PDGFC: variants seen among roughly 807,000 people sequenced by gnomAD.
PDGFC encodes the protein platelet derived growth factor C, also known as platelet-derived growth factor C.
Under a neutral mutation model 35.5 loss-of-function variants are expected in PDGFC, and 12 were observed. The ratio of observed to expected loss-of-function variants is 0.34; its 90% CI spans 0.22 to 0.55. The LOEUF (loss-of-function observed/expected upper bound fraction) is 0.55, where lower values mean the gene tolerates loss of function less well. Ranked by LOEUF, PDGFC falls within the 20% of genes least tolerant of loss-of-function variation. The pLI is 0.91. For missense variants in PDGFC, 322 were observed against 412.4 expected, an observed-to-expected ratio of 0.78 and a Z score of 1.90; for synonymous variants, 159 against 148.8, an observed-to-expected ratio of 1.07 and a Z score of -0.50.
intron 1 of PDGFC, among the ~76,000 whole-genome samples, chr4:156,967,136 T>A (rs1198260573): frequency 6.6e-6 from 1 of 152,104 alleles, no homozygotes; most frequent in Non-Finnish European, 1.5e-5. Flanking sequence ...TAGTCTGCAG[T>A]TAGAGCCTAT....
At chr4:156,850,712 G>T (rs1271232782) in intron 1 of PDGFC, among the ~76,000 whole-genome samples, 1 of 151,996 alleles carries the variant, frequency 6.6e-6, no homozygotes, top group South Asian at 2.1e-4. Flanking sequence ...TCACAATAAA[G>T]CTGAGTTAAC....
chr4:156,897,630 C>A (rs926113025), intron 1 of PDGFC, among the ~76,000 whole-genome samples: 5 of 152,078 alleles, frequency 3.3e-5, no homozygotes, highest in African/African-American at 1.2e-4. Flanking sequence ...GTTAAACCTA[C>A]ATAGACTTTG....
intron 1 of PDGFC, among the ~76,000 whole-genome samples, chr4:156,885,678 G>T (rs539091044): frequency 1.3e-5 from 2 of 152,140 alleles, no homozygotes; most frequent in Admixed American, 6.5e-5. Flanking sequence ...TACTGCTTGG[G>T]CCAGGAGCTC....
chr4:156,812,423 T>C (rs1025579357), intron 2 of PDGFC, among the ~76,000 whole-genome samples: 1 of 152,118 alleles, frequency 6.6e-6, no homozygotes, highest in Non-Finnish European at 1.5e-5. Flanking sequence ...CAATTTCACA[T>C]GTAAACAGAT....
intron 1 of PDGFC, among the ~76,000 whole-genome samples, chr4:156,910,268 C>A (rs1731008498): frequency 6.6e-6 from 1 of 152,100 alleles, no homozygotes; most frequent in South Asian, 2.1e-4. Context: ...TGCACAATGT[C>A]CCTTAAACCC....
rs1460777679 is a variant in PDGFC at position 156,922,182 on chromosome 4, G to GTA, written c.118+48603_118+48604insTA. Reference sequence around the variant, plus strand: ...TGTGTGTGTGTGTGTGTGTGTGTGTGTGTGTGTGTGCATCTGTGTGTGTGT... The same window carrying GTA: ...TGTGTGTGTGTGTGTGTGTGTGTGTGTATGTGTGTGTGCATCTGTGTGTGTGT... On this transcript the variant is annotated intron_variant, in intron 1 of 5. Coordinates refer to ENST00000502773, the MANE Select transcript of PDGFC (RefSeq NM_016205.3). Among the ~76,000 whole-genome samples, 709 of 151,620 alleles carry GTA rather than the reference G, an allele frequency of 4.7e-3. 15 individuals are homozygous for GTA. Among genetic ancestry groups the GTA allele is most frequent in the Admixed American group, 0.036 (555 of 15,228 alleles).
intron 1 of PDGFC, among the ~76,000 whole-genome samples, chr4:156,937,417 G>C (rs1731709268): frequency 6.6e-6 from 1 of 152,110 alleles, no homozygotes; most frequent in Non-Finnish European, 1.5e-5. Context: ...AAATAAGAAA[G>C]GTGGTCAGGC....
At chr4:156,780,107 GTTTTTTT>G (rs35403686) in intron 3 of PDGFC, among the ~76,000 whole-genome samples, 5 of 125,026 alleles carry the variant, frequency 4.0e-5, no homozygotes, top group African/African-American at 5.9e-5. Context: ...CAAAATTAAG[GTTTTTTT>G]TTTTTTTTTT....
At chr4:156,835,737 G>A (rs1302701826) in intron 2 of PDGFC, among the ~76,000 whole-genome samples, 2 of 152,176 alleles carry the variant, frequency 1.3e-5, no homozygotes, top group Admixed American at 1.3e-4. Context: ...GAACTGAACT[G>A]GAAACATCAC....
intron 1 of PDGFC, among the ~76,000 whole-genome samples, chr4:156,880,430 A>T (rs1257748519): frequency 6.6e-6 from 1 of 152,130 alleles, no homozygotes; most frequent in African/African-American, 2.4e-5. Context: ...TTTTAAACCC[A>T]CTACTCAGAA....
intron 1 of PDGFC, among the ~76,000 whole-genome samples, chr4:156,858,716 T>C (rs1729640672): frequency 1.3e-5 from 2 of 152,120 alleles, no homozygotes; most frequent in Middle Eastern, 3.2e-3. Flanking sequence ...TGAAGCAGAA[T>C]AATACATTTA....
chr4:156,944,540 G>C (rs1731890208), intron 1 of PDGFC, among the ~76,000 whole-genome samples: 1 of 152,110 alleles, frequency 6.6e-6, no homozygotes, highest in African/African-American at 2.4e-5. Flanking sequence ...CAATTCATGT[G>C]TCCACTGTTA....
chr4:156,827,286 G>A (rs544424709), intron 2 of PDGFC, among the ~76,000 whole-genome samples: 19 of 151,990 alleles, frequency 1.3e-4, no homozygotes, highest in South Asian at 4.1e-4. Flanking sequence ...GTGTGGTGGC[G>A]GGCACCTGTA....
At chr4:156,826,856 C>A (rs1298788995) in intron 2 of PDGFC, among the ~76,000 whole-genome samples, 1 of 152,030 alleles carries the variant, frequency 6.6e-6, no homozygotes, top group Non-Finnish European at 1.5e-5. Context: ...AAATTTAGGT[C>A]TTGGTGATGT....
intron 3 of PDGFC, among the ~76,000 whole-genome samples, chr4:156,781,771 T>A (rs1730986325): frequency 6.6e-6 from 1 of 152,086 alleles, no homozygotes; most frequent in Non-Finnish European, 1.5e-5. Flanking sequence ...TAGGAACAGG[T>A]ATTCAAAGGA....
intron 4 of PDGFC, chr4:156,770,293 A>C (rs1490070042): frequency 6.6e-6 from 1 of 152,044 alleles, no homozygotes; most frequent in Admixed American, 6.6e-5. Context: ...CTAGAGGAAG[A>C]AAGTGAAAGA....
chr4:156,783,569 A>T (rs1170730182), intron 3 of PDGFC, among the ~76,000 whole-genome samples: 1 of 152,156 alleles, frequency 6.6e-6, no homozygotes, highest in Non-Finnish European at 1.5e-5. Context: ...GGAGGCTTCC[A>T]CTAGTGAGAC....
intron 2 of PDGFC, 125 bp from the exon 3 acceptor site, chr4:156,811,142 G>A (rs1031170438): frequency 6.2e-5 from 30 of 481,200 alleles, no homozygotes; most frequent in Middle Eastern, 3.1e-4. Context: ...AAATTTAACC[G>A]GGAACATATA....
At chr4:156,770,186 C>CA (rs1730656252) in intron 4 of PDGFC, 1 of 151,894 alleles carries the variant, frequency 6.6e-6, no homozygotes, top group Non-Finnish European at 1.5e-5. Flanking sequence ...ATGTTTGACA[C>CA]AAAAGTCAAA....
Sources: allele counts gnomAD v4.1 joint callset (sites outside exome capture counted in the v4.1 genomes callset), GRCh38; gene constraint gnomAD v4.1.1; transcripts MANE v1.5; gene names NCBI Gene and HGNC (gene_info 2026-07-23, HGNC 2026-07-21).